ADAD1: variants seen among roughly 807,000 people sequenced by gnomAD.
The protein encoded by ADAD1 is adenosine deaminase domain containing 1, also known as adenosine deaminase domain-containing protein 1.
A neutral mutation model predicts 66.8 loss-of-function variants in ADAD1; 46 were observed. That is an observed-to-expected ratio of 0.69 (90% CI 0.54 to 0.88). ADAD1 has a LOEUF of 0.88. ADAD1 is among the 40% of genes least tolerant of loss of function. The probability of loss-of-function intolerance (pLI) is 0.00; values close to 1 mark genes in which losing one functional copy is unlikely to be tolerated. For synonymous variants in ADAD1, 248 were observed against 229.4 expected (o/e 1.08, Z -0.73); for missense variants, 617 against 681.8 (o/e 0.91, Z 1.06).
rs561823537 is a variant in ADAD1 at position 122,426,026 on chromosome 4, A to G, written c.1618-3600A>G. Among the ~76,000 whole-genome samples, 4 of 152,240 alleles carry G rather than the reference A, an allele frequency of 2.6e-5. No individual in the cohort carries two copies. The East Asian group carries it at 7.7e-4, about 29-fold the overall frequency. ...AATGAATCAGAATAGAAATCAGTGA[A>G]ATTGAAAATAGAAAAAAATAGTAGG... On this transcript the variant is annotated intron_variant, in intron 12 of 12. Coordinates refer to ENST00000296513, the MANE Select transcript of ADAD1 (RefSeq NM_139243.4).
At chr4:122,428,713 G>A (rs1406874841) in intron 12 of ADAD1, among the ~76,000 whole-genome samples, 1 of 152,174 alleles carries the variant, frequency 6.6e-6, no homozygotes, top group African/African-American at 2.4e-5. Context: ...TCTAGAGACA[G>A]CAAGTAGATT....
intron 5 of ADAD1, among the ~76,000 whole-genome samples, chr4:122,388,024 G>T (rs1795259131): frequency 6.6e-6 from 1 of 152,154 alleles, no homozygotes; most frequent in Admixed American, 6.5e-5. Context: ...CTACCAGAGT[G>T]CTGGGATTAC....
intron 10 of ADAD1, among the ~76,000 whole-genome samples, chr4:122,413,631 G>A (rs1796572350): frequency 6.6e-6 from 1 of 151,898 alleles, no homozygotes; most frequent in Non-Finnish European, 1.5e-5. Context: ...TTGAAGTGTA[G>A]AGAATCCTTC....
Position 122,396,361 on chromosome 4 carries a change from T to C in ADAD1, c.708T>C (p.Ala236=), listed in dbSNP as rs566246099. 33 of 1,582,490 alleles carry C rather than the reference T, an allele frequency of 2.1e-5. No individual in the cohort carries two copies. The South Asian group carries it at 3.7e-4, about 18-fold the overall frequency. The stretch of plus-strand genomic sequence containing the variant: ...TGAAATATAGCAGTTCATTGGCTGC[T>C]TTTATAATTGAAAGAGGTAAGTCCA... ...EYLKYSSSLA[A]FIIERAGQHE... is the part of the protein sequence containing the mutation. Residue 236 remains alanine, a synonymous_variant, in exon 7 of 13, where the codon GCT becomes GCC. Coordinates refer to ENST00000296513, the MANE Select transcript of ADAD1 (RefSeq NM_139243.4).
At chr4:122,404,051 C>G (rs1206721787) in intron 7 of ADAD1, among the ~76,000 whole-genome samples, 2 of 152,170 alleles carry the variant, frequency 1.3e-5, no homozygotes, top group Non-Finnish European at 2.9e-5. Flanking sequence ...AGTTTATATT[C>G]AGGCTGCAGC....
chr4:122,397,411 A>G (rs1795768250), intron 7 of ADAD1, among the ~76,000 whole-genome samples: 1 of 152,126 alleles, frequency 6.6e-6, no homozygotes, highest in Non-Finnish European at 1.5e-5. Context: ...ATTTTTTCTC[A>G]TTTCTTAAAA....
intron 7 of ADAD1, among the ~76,000 whole-genome samples, chr4:122,400,835 A>G (rs1201320903): frequency 6.6e-6 from 1 of 151,726 alleles, no homozygotes; most frequent in South Asian, 2.1e-4. Flanking sequence ...TTTCTGTGTC[A>G]TCACTTATCT....
intron 5 of ADAD1, among the ~76,000 whole-genome samples, chr4:122,390,132 G>T (rs1453693489): frequency 2.0e-5 from 3 of 152,126 alleles, no homozygotes; most frequent in Non-Finnish European, 2.9e-5. Context: ...AGTTTGGCTG[G>T]ATGTGAAATT....
At chr4:122,417,094 G>A (rs1274112505) in intron 11 of ADAD1, among the ~76,000 whole-genome samples, 1 of 152,192 alleles carries the variant, frequency 6.6e-6, no homozygotes, top group African/African-American at 2.4e-5. Flanking sequence ...CAAGACTTTG[G>A]GAGGCTGAGG....
chr4:122,425,233 A>G (rs1014921934), intron 12 of ADAD1, among the ~76,000 whole-genome samples: 1 of 152,116 alleles, frequency 6.6e-6, no homozygotes, highest in Non-Finnish European at 1.5e-5. Flanking sequence ...ACTCTACACA[A>G]CAGCAGAATA....
chr4:122,403,073 A>G (rs548581115), intron 7 of ADAD1, among the ~76,000 whole-genome samples: 3 of 152,276 alleles, frequency 2.0e-5, no homozygotes, highest in Admixed American at 6.5e-5. Flanking sequence ...TTGTTTTGTC[A>G]TATTACCAGA....
chr4:122,385,173 CTT>C (rs1580737000), intron 5 of ADAD1, among the ~76,000 whole-genome samples: 2 of 152,102 alleles, frequency 1.3e-5, no homozygotes, highest in Admixed American at 6.5e-5. Context: ...ACTTTTAAAA[CTT>C]TAGTTTTTTT....
In ADAD1 at chr4:122,429,606, A is replaced by G; in HGVS notation, c.1618-20A>G. 1 of 1,521,372 alleles carries G rather than the reference A, an allele frequency of 6.6e-7. No homozygotes were observed. Among genetic ancestry groups the G allele is most frequent in the Non-Finnish European group, 9.1e-7 (1 of 1,098,244 alleles). The allele number at this position is 1,521,372 out of a possible 1,614,324, so 94.2% of individuals were successfully genotyped here. A position where few individuals can be genotyped will look rare whatever the true frequency, so the allele number is the denominator to read the frequency against. On this transcript the variant is annotated intron_variant, in intron 12 of 12. Transcript: ENST00000296513. ...AAATGCTGCCTATTTTCTATAATTC[A>G]TTTTTTCTTTCTTCTCTAGTGTATG... is the stretch of plus-strand genomic sequence containing the variant.
At chr4:122,392,985 C>G (rs1311881404) in intron 5 of ADAD1, among the ~76,000 whole-genome samples, 2 of 150,032 alleles carry the variant, frequency 1.3e-5, no homozygotes, top group African/African-American at 4.9e-5. Context: ...GAGAAACTGA[C>G]TACTTTAATT....
At chr4:122,380,266 A>G (rs200055770) in intron 3 of ADAD1, 25 bp downstream of exon 3, 9 of 1,591,770 alleles carry the variant, frequency 5.7e-6, no homozygotes, top group African/African-American at 5.4e-5. Flanking sequence ...ATTTGTAACA[A>G]TGAGTCAGTT....
At chr4:122,382,336 T>C (rs888886547) in intron 4 of ADAD1, among the ~76,000 whole-genome samples, 10 of 152,248 alleles carry the variant, frequency 6.6e-5, no homozygotes, top group African/African-American at 2.2e-4. Flanking sequence ...CAGAATTTTT[T>C]AATAGCTCTA....
Position 122,383,799 on chromosome 4 carries a change from G to A in ADAD1, c.362G>A (p.Gly121Asp). Reference sequence around the variant, plus strand: ...CATTCATTCTGAGTTCTTTTTCAAGGTAATGTTATGGGACCATATTTTGCC... The same window carrying A: ...CATTCATTCTGAGTTCTTTTTCAAGATAATGTTATGGGACCATATTTTGCC... ...QLDLKETVTT[G>D]NVMGPYFAFC... is the part of the protein sequence containing the mutation. The change falls in exon 5 of 13, where the codon GGT becomes GAT. Residue 121 changes from glycine to aspartate, a missense_variant and splice_region_variant. Transcript: ENST00000296513. 2 of 1,584,660 alleles carry A rather than the reference G, an allele frequency of 1.3e-6. No individual in the cohort carries two copies. The highest frequency in any genetic ancestry group is 1.7e-6 in the Non-Finnish European group (2 of 1,170,936).
intron 3 of ADAD1, 111 bp downstream of exon 3, chr4:122,380,352 C>T: frequency 7.6e-7 from 1 of 1,307,348 alleles, no homozygotes; most frequent in African/African-American, 1.5e-5. Context: ...TAGACATTTA[C>T]CCGTGGCCGT....
At chr4:122,410,226 A>G (rs940772805) in intron 8 of ADAD1, among the ~76,000 whole-genome samples, 1 of 152,194 alleles carries the variant, frequency 6.6e-6, no homozygotes, top group Admixed American at 6.5e-5. Context: ...CTATGAGGGT[A>G]ATGCATCTCA....
Sources: gnomAD v4.1 joint callset for allele counts (sites outside exome capture counted in the v4.1 genomes callset) on GRCh38, gnomAD v4.1.1 for gene constraint, MANE v1.5 for transcripts, NCBI Gene and HGNC (gene_info 2026-07-23, HGNC 2026-07-21) for gene names.